COL4A1: variants seen among roughly 807,000 people sequenced by gnomAD.
The protein encoded by COL4A1 is collagen type IV alpha 1 chain.
A neutral mutation model predicts 216.6 loss-of-function variants in COL4A1; 40 were observed. That is an observed-to-expected ratio of 0.18 (90% CI 0.14 to 0.24). COL4A1 has a LOEUF of 0.24. Ranked by LOEUF, COL4A1 falls within the 10% of genes least tolerant of loss-of-function variation. COL4A1 has a pLI of 1.00. For synonymous variants in COL4A1, 839 were observed against 810.7 expected (o/e 1.03, Z -0.59); for missense variants, 1,628 against 2,196.8 (o/e 0.74, Z 5.18).
intron 18 of COL4A1, among the ~76,000 whole-genome samples, chr13:110,202,792 A>G (rs1003744739): frequency 1.3e-5 from 2 of 152,240 alleles, no homozygotes; most frequent in African/African-American, 4.8e-5. Context: ...CAAGTATGCA[A>G]AATATGTATG....
chr13:110,302,550 C>G (rs200322031), intron 1 of COL4A1, among the ~76,000 whole-genome samples: 31 of 152,236 alleles, frequency 2.0e-4, no homozygotes, highest in Admixed American at 6.5e-4. Context: ...AGCAGAGACA[C>G]GGAAAGAGCG....
intron 1 of COL4A1, among the ~76,000 whole-genome samples, chr13:110,255,155 G>T (rs553924201): frequency 6.6e-6 from 1 of 152,354 alleles, no homozygotes; most frequent in East Asian, 1.9e-4. Flanking sequence ...GAAGGCCAGA[G>T]TGCTGCAAGG....
intron 20 of COL4A1, among the ~76,000 whole-genome samples, 165 bp downstream of exon 20, chr13:110,200,689 T>C (rs1390589805): frequency 1.3e-5 from 2 of 152,282 alleles, no homozygotes; most frequent in Non-Finnish European, 1.5e-5. Context: ...AAGATACTTA[T>C]CTACAAGCAC....
chr13:110,182,966 A>T, intron 28 of COL4A1, 27 bp downstream of exon 28: 1 of 1,599,186 alleles, frequency 6.3e-7, no homozygotes, highest in Non-Finnish European at 8.5e-7. Context: ...GGTGGACCAA[A>T]GGCTCGGGTC....
chr13:110,265,023 G>T (rs1224291275), intron 1 of COL4A1, among the ~76,000 whole-genome samples: 1 of 152,196 alleles, frequency 6.6e-6, no homozygotes, highest in African/African-American at 2.4e-5. Context: ...GCCCACCTCG[G>T]CTCTGCAAGA....
chr13:110,164,330 G>A (rs574201091), intron 46 of COL4A1, among the ~76,000 whole-genome samples: 1 of 152,098 alleles, frequency 6.6e-6, no homozygotes, highest in Non-Finnish European at 1.5e-5. Flanking sequence ...TTTCTTTGAT[G>A]CTTTCAACTT....
At chr13:110,160,227 G>C (rs1594534376) in intron 49 of COL4A1, among the ~76,000 whole-genome samples, 1 of 119,756 alleles carries the variant, frequency 8.4e-6, no homozygotes, top group Admixed American at 8.6e-5. Context: ...TGGATCATGA[G>C]GTCAGGAGAT....
At chr13:110,194,837 C>T (rs1033036343) in intron 22 of COL4A1, among the ~76,000 whole-genome samples, 186 bp downstream of exon 22, 2 of 152,134 alleles carry the variant, frequency 1.3e-5, no homozygotes, top group African/African-American at 4.8e-5. Context: ...ACCTTTCCCA[C>T]CCAGATCATC....
chr13:110,282,353 G>C (rs926923113), intron 1 of COL4A1, among the ~76,000 whole-genome samples: 1 of 152,158 alleles, frequency 6.6e-6, no homozygotes, highest in African/African-American at 2.4e-5. Context: ...AAGGGAAGCT[G>C]GTGGTGACTC....
At chr13:110,159,151 G>A (rs1321419064) in intron 49 of COL4A1, among the ~76,000 whole-genome samples, 2 of 152,180 alleles carry the variant, frequency 1.3e-5, no homozygotes, top group East Asian at 3.8e-4. Flanking sequence ...GGAGGCTCCT[G>A]GGGCCTGAAA....
Position 110,172,702 on chromosome 13 carries a change from A to G in COL4A1, c.3556+18T>C, listed in dbSNP as rs1220742480. 1 of 1,612,384 alleles carries G rather than the reference A, an allele frequency of 6.2e-7. No homozygotes were observed. On this transcript the variant is annotated intron_variant, in intron 41 of 51. Transcript: ENST00000375820. ...CAGCGGTTGGTTGAAAAGGAAGAGC[A>G]CAGTGAGCAAAGATTACCTTTGTCT...
chr13:110,225,355 G>A (rs990857703), intron 2 of COL4A1, among the ~76,000 whole-genome samples: 2 of 152,210 alleles, frequency 1.3e-5, no homozygotes, highest in South Asian at 2.1e-4. Context: ...AGGCCAAGGC[G>A]GGTGGATCAC....
At chr13:110,290,736 G>GCACCGTTAGT (rs59350311) in intron 1 of COL4A1, among the ~76,000 whole-genome samples, 2,623 of 152,338 alleles carry the variant, frequency 0.017, 80 homozygotes, top group African/African-American at 0.06. Context: ...GTGCACGAGA[G>GCACCGTTAGT]CAAGTGGGGA....
At chr13:110,248,085 T>C (rs1247349784) in intron 1 of COL4A1, among the ~76,000 whole-genome samples, 1 of 151,636 alleles carries the variant, frequency 6.6e-6, no homozygotes, top group Non-Finnish European at 1.5e-5. Context: ...CAGCTTATCT[T>C]TCAAATTCTT....
At chr13:110,206,526 G>A (rs117356653) in intron 15 of COL4A1, 139 bp downstream of exon 15, 18,513 of 978,100 alleles carry the variant, frequency 0.019, 264 homozygotes, top group Middle Eastern at 0.058. Context: ...GGAGAGTCTC[G>A]GAAAAGCCCT....
At chr13:110,202,933 C>A (rs1465757518) in intron 18 of COL4A1, among the ~76,000 whole-genome samples, 1 of 152,156 alleles carries the variant, frequency 6.6e-6, no homozygotes, top group Non-Finnish European at 1.5e-5. Flanking sequence ...GGTGTCAAGG[C>A]CAGGCACAGT....
At chr13:110,205,450 AG>A (rs775134135) in intron 16 of COL4A1, 43 bp downstream of exon 16, 9 of 1,610,960 alleles carry the variant, frequency 5.6e-6, no homozygotes, top group South Asian at 5.5e-5. Flanking sequence ...GGCCAGTGGT[AG>A]GAACAGTGAG....
chr13:110,194,776 G>C (rs778823537), intron 22 of COL4A1, among the ~76,000 whole-genome samples: 2 of 152,082 alleles, frequency 1.3e-5, no homozygotes, highest in Admixed American at 1.3e-4. Context: ...CTGACTTCAC[G>C]GTCCTCGGAA....
intron 1 of COL4A1, among the ~76,000 whole-genome samples, chr13:110,261,628 C>T (rs1882832494): frequency 6.6e-6 from 1 of 152,212 alleles, no homozygotes; most frequent in South Asian, 2.1e-4. Flanking sequence ...GAACTCACAT[C>T]CTGCTGTGCC....
Sources: gnomAD v4.1 joint callset for allele counts (sites outside exome capture counted in the v4.1 genomes callset) on GRCh38, gnomAD v4.1.1 for gene constraint, MANE v1.5 for transcripts, NCBI Gene and HGNC (gene_info 2026-07-23, HGNC 2026-07-21) for gene names.